IL17F: variants seen among roughly 807,000 people sequenced by gnomAD.
IL17F encodes interleukin-17F.
IL17F carries 6 observed loss-of-function variants against 8.3 expected under a neutral mutation model. The ratio of observed to expected loss-of-function variants is 0.73; its 90% CI spans 0.40 to 1.43. The LOEUF (loss-of-function observed/expected upper bound fraction) is 1.43, where lower values mean the gene tolerates loss of function less well. Among genes scored for constraint, IL17F ranks in the 40% most tolerant of loss-of-function variants. The pLI, the probability that IL17F is intolerant of heterozygous loss-of-function variation, is 0.02. For synonymous variants in IL17F, 98 were observed against 81.6 expected (o/e 1.20, Z -1.08); for missense variants, 204 against 209.6 (o/e 0.97, Z 0.17).
chr6:52,244,908 T>C (rs1290495184), upstream of IL17F, among the ~76,000 whole-genome samples: 1 of 152,208 alleles, frequency 6.6e-6, no homozygotes, highest in African/African-American at 2.4e-5. Context: ...AGAGGAGCCT[T>C]GGTACTAAAC....
chr6:52,241,793 G>A (rs1185970775), intron 1 of IL17F, among the ~76,000 whole-genome samples: 4 of 152,212 alleles, frequency 2.6e-5, no homozygotes, highest in African/African-American at 9.6e-5. Context: ...ACCAGCCTAT[G>A]AGTACCAGTC....
At chr6:52,241,646 A>G (rs532051310) in intron 1 of IL17F, among the ~76,000 whole-genome samples, 30 of 152,370 alleles carry the variant, frequency 2.0e-4, no homozygotes, top group African/African-American at 7.2e-4. Flanking sequence ...AGAGTATATT[A>G]GAAAATTCTT....
chr6:52,245,257 C>T (rs1191656335), upstream of IL17F, among the ~76,000 whole-genome samples: 1 of 152,222 alleles, frequency 6.6e-6, no homozygotes, highest in Non-Finnish European at 1.5e-5. Context: ...CTGACGCTAT[C>T]TCCAGGTAGG....
At chr6:52,244,993 G>A (rs11465537), upstream of IL17F, among the ~76,000 whole-genome samples, 1 of 152,136 alleles carries the variant, frequency 6.6e-6, no homozygotes, top group African/African-American at 2.4e-5. Flanking sequence ...ATTCAGAAAT[G>A]ATATACCCTG....
rs536968854 is a variant in IL17F at position 52,237,063 on chromosome 6, G to A, written c.360C>T (p.Ser120=). 4.5e-5 allele frequency: 72 copies of A among 1,614,104 alleles called. No homozygotes were observed. Among genetic ancestry groups the A allele is most frequent in the Middle Eastern group, 1.6e-4 (1 of 6,084 alleles). Reference sequence around the variant, plus strand: ...CCAGGGTCTCTTGCTGGATGGGAACGGAATTCATGGAGATGTCTTCCTTTC... The same window carrying A: ...CCAGGGTCTCTTGCTGGATGGGAACAGAATTCATGGAGATGTCTTCCTTTC... ...AQGKEDISMN[S]VPIQQETLVV... Residue 120 remains serine (S), a synonymous_variant, in exon 3 of 3, where the codon TCC becomes TCT. Coordinates refer to ENST00000336123, the MANE Select transcript of IL17F (RefSeq NM_052872.4).
At chr6:52,241,736 G>A (rs1428296873) in intron 1 of IL17F, among the ~76,000 whole-genome samples, 1 of 152,188 alleles carries the variant, frequency 6.6e-6, no homozygotes, top group Non-Finnish European at 1.5e-5. Flanking sequence ...CAATTAGACA[G>A]GTGAAAGAGT....
At chr6:52,238,664 T>G in intron 2 of IL17F, 66 bp downstream of exon 2, 1 of 1,340,754 alleles carries the variant, frequency 7.5e-7, no homozygotes, top group Non-Finnish European at 1.1e-6. Flanking sequence ...CATTTTCTAC[T>G]TTATGATTAG....
At chr6:52,239,757 G>T (rs1056421857) in intron 1 of IL17F, among the ~76,000 whole-genome samples, 4 of 152,168 alleles carry the variant, frequency 2.6e-5, no homozygotes, top group African/African-American at 7.2e-5. Flanking sequence ...GTGAATGAAT[G>T]AACAAAATGA....
chr6:52,239,201 A>G (rs1764025626), intron 1 of IL17F: 4 of 501,102 alleles, frequency 8.0e-6, no homozygotes, highest in Non-Finnish European at 1.4e-5. Flanking sequence ...ACAGTGAGAC[A>G]GAAAGATGCA....
intron 1 of IL17F, 149 bp from the exon 2 acceptor site, chr6:52,239,099 C>G (rs1764023502): frequency 1.4e-6 from 1 of 730,752 alleles, no homozygotes; most frequent in Non-Finnish European, 2.4e-6. Context: ...AATGGGAACA[C>G]TCACACCTAA....
chr6:52,242,789 T>C (rs997822674), intron 1 of IL17F, among the ~76,000 whole-genome samples: 1 of 152,216 alleles, frequency 6.6e-6, no homozygotes, highest in Non-Finnish European at 1.5e-5. Context: ...ATAATAACAA[T>C]ATTAATATGA....
chr6:52,239,787 A>ATAG (rs1181021888), intron 1 of IL17F, among the ~76,000 whole-genome samples: 2 of 152,230 alleles, frequency 1.3e-5, no homozygotes, highest in East Asian at 3.8e-4. Flanking sequence ...ATTGAACTAT[A>ATAG]TAGTTAAGCT....
At chr6:52,245,555 C>G (rs1011945970), upstream of IL17F, among the ~76,000 whole-genome samples, 1 of 152,210 alleles carries the variant, frequency 6.6e-6, no homozygotes, top group African/African-American at 2.4e-5. Flanking sequence ...GTCACAAGCA[C>G]AGAAGTGTTC....
At chr6:52,241,852 G>T (rs936456515) in intron 1 of IL17F, among the ~76,000 whole-genome samples, 15 of 152,140 alleles carry the variant, frequency 9.9e-5, no homozygotes, top group Non-Finnish European at 2.1e-4. Context: ...GTCATTGAAG[G>T]TCATTTTTAT....
chr6:52,238,699 G>A (rs950827259), intron 2 of IL17F, 31 bp downstream of exon 2: 1 of 1,537,964 alleles, frequency 6.5e-7, no homozygotes, highest in South Asian at 1.1e-5. Flanking sequence ...TTTTTCCAAA[G>A]AATGTGAAAA....
chr6:52,236,986 A>G lies in IL17F; in HGVS notation c.437T>C (p.Val146Ala). ...GCAGGTGCAGCCAACAGTCACCAGC[A>G]CCTTCTCCAACTGGAAAGAAACAGA... is the stretch of plus-strand genomic sequence containing the variant. ...GCSVSFQLEKVLVTVGCTCVT... is the reference protein window; with the variant it reads ...GCSVSFQLEKALVTVGCTCVT... Residue 146 changes from valine to alanine, a missense_variant, in exon 3 of 3, where the codon GTG (valine) becomes GCG (alanine). Transcript: ENST00000336123. 1 of 1,614,198 alleles carries G rather than the reference A, an allele frequency of 6.2e-7. No individual in the cohort carries two copies. The highest frequency in any genetic ancestry group is 1.1e-5 in the South Asian group (1 of 91,086).
intron 1 of IL17F, among the ~76,000 whole-genome samples, chr6:52,243,786 A>T (rs11465543): frequency 6.6e-6 from 1 of 150,468 alleles, no homozygotes; most frequent in Non-Finnish European, 1.5e-5. Flanking sequence ...TCTTTGAGAC[A>T]GAGTCTCGCT....
chr6:52,243,707 T>C (rs899548617), intron 1 of IL17F, among the ~76,000 whole-genome samples: 2 of 152,190 alleles, frequency 1.3e-5, no homozygotes, highest in Middle Eastern at 3.4e-3. Context: ...CTGCACACAC[T>C]AACACCACCT....
chr6:52,242,670 A>G (rs1764094561), intron 1 of IL17F, among the ~76,000 whole-genome samples: 1 of 152,268 alleles, frequency 6.6e-6, no homozygotes, highest in Admixed American at 6.5e-5. Context: ...TCTTGTGCTT[A>G]CAGTATCCAG....
Sources: allele counts gnomAD v4.1 joint callset (sites outside exome capture counted in the v4.1 genomes callset), GRCh38; gene constraint gnomAD v4.1.1; transcripts MANE v1.5; gene names NCBI Gene and HGNC (gene_info 2026-07-23, HGNC 2026-07-21).